Variants in ARHGEF26 observed in about 807,000 individuals in gnomAD.
ARHGEF26 encodes Rho guanine nucleotide exchange factor 26.
ARHGEF26 carries 59 observed loss-of-function variants against 89.4 expected under a neutral mutation model. The observed-to-expected ratio is 0.66, with a 90% CI of 0.54 to 0.82. The LOEUF is 0.82. Among genes scored for constraint, ARHGEF26 ranks in the 40% least tolerant of loss-of-function variants. The probability of loss-of-function intolerance (pLI) is 0.00; values close to 1 mark genes in which losing one functional copy is unlikely to be tolerated. For missense variants in ARHGEF26, 1,234 were observed against 1,085.6 expected, an observed-to-expected ratio of 1.14 and a Z score of -1.92; for synonymous variants, 500 against 428.4, an observed-to-expected ratio of 1.17 and a Z score of -2.06.
intron 4 of ARHGEF26, among the ~76,000 whole-genome samples, chr3:154,144,015 T>G (rs1719544723): frequency 6.6e-6 from 1 of 152,100 alleles, no homozygotes; most frequent in Non-Finnish European, 1.5e-5. Context: ...ATTTGTTTGG[T>G]GGTAGAAATG....
chr3:154,149,559 ATTTG>A (rs1719895209), intron 5 of ARHGEF26, 114 bp downstream of exon 5: 3 of 890,852 alleles, frequency 3.4e-6, no homozygotes, highest in Non-Finnish European at 4.8e-6. Flanking sequence ...TTGAAAATGT[ATTTG>A]TTTAACAAAA....
At chr3:154,145,621 A>T (rs1719653912) in intron 4 of ARHGEF26, among the ~76,000 whole-genome samples, 1 of 152,184 alleles carries the variant, frequency 6.6e-6, no homozygotes, top group East Asian at 1.9e-4. Flanking sequence ...GGGCAAAAAT[A>T]GAAGGAATGC....
intron 6 of ARHGEF26, among the ~76,000 whole-genome samples, chr3:154,178,129 G>T (rs557884978): frequency 6.6e-6 from 1 of 152,052 alleles, no homozygotes; most frequent in African/African-American, 2.4e-5. Flanking sequence ...GCTTGAACCC[G>T]GGAGGTGGAG....
At chr3:154,234,827 G>A (rs1331083675) in intron 11 of ARHGEF26, among the ~76,000 whole-genome samples, 4 of 152,050 alleles carry the variant, frequency 2.6e-5, no homozygotes, top group East Asian at 1.9e-4. Context: ...GTGCGGTGGC[G>A]CAATCTCGGC....
At chr3:154,218,019 C>T in intron 10 of ARHGEF26, 61 bp downstream of exon 10, 1 of 1,383,670 alleles carries the variant, frequency 7.2e-7, no homozygotes, top group Non-Finnish European at 1.0e-6. Context: ...TAGAGAGAGA[C>T]AGTTGAGGGC....
chr3:154,176,893 C>T (rs1371791264), intron 6 of ARHGEF26, among the ~76,000 whole-genome samples: 1 of 152,140 alleles, frequency 6.6e-6, no homozygotes, highest in Admixed American at 6.5e-5. Context: ...ATCCTCTTGC[C>T]TCAGTCTCCT....
intron 11 of ARHGEF26, among the ~76,000 whole-genome samples, chr3:154,234,665 C>T (rs1717002289): frequency 6.6e-6 from 1 of 152,186 alleles, no homozygotes. Flanking sequence ...AACTCGCAAA[C>T]CCACTATTCT....
chr3:154,165,631 A>G (rs1711970902), intron 6 of ARHGEF26, among the ~76,000 whole-genome samples: 1 of 152,146 alleles, frequency 6.6e-6, no homozygotes, highest in African/African-American at 2.4e-5. Context: ...TTTATTGATC[A>G]CATTTCTTTT....
chr3:154,214,782 G>T (rs886351648), intron 9 of ARHGEF26, among the ~76,000 whole-genome samples: 1 of 152,072 alleles, frequency 6.6e-6, no homozygotes, highest in South Asian at 2.1e-4. Context: ...GATATGCCCT[G>T]TTCCTTTCAG....
At chr3:154,196,304 TG>T (rs1714287490) in intron 9 of ARHGEF26, among the ~76,000 whole-genome samples, 1 of 152,184 alleles carries the variant, frequency 6.6e-6, no homozygotes, top group African/African-American at 2.4e-5. Flanking sequence ...GGTTAGCTAC[TG>T]ATAGAAATAT....
intron 9 of ARHGEF26, among the ~76,000 whole-genome samples, chr3:154,203,773 A>G (rs536439758): frequency 2.7e-5 from 4 of 150,770 alleles, no homozygotes; most frequent in South Asian, 2.1e-4. Context: ...GATATAATGT[A>G]TTACACTGAT....
At chr3:154,166,200 GC>G (rs1310601529) in intron 6 of ARHGEF26, among the ~76,000 whole-genome samples, 1 of 151,978 alleles carries the variant, frequency 6.6e-6, no homozygotes, top group Non-Finnish European at 1.5e-5. Flanking sequence ...ACAGGCACAT[GC>G]CACCATGCCT....
intron 12 of ARHGEF26, among the ~76,000 whole-genome samples, chr3:154,244,303 C>T (rs1296686489): frequency 2.0e-5 from 3 of 152,146 alleles, no homozygotes; most frequent in African/African-American, 4.8e-5. Context: ...AAGGACAATT[C>T]AACTTCATAA....
intron 6 of ARHGEF26, among the ~76,000 whole-genome samples, chr3:154,183,441 C>T (rs1330445975): frequency 1.3e-5 from 2 of 152,168 alleles, no homozygotes; most frequent in Non-Finnish European, 2.9e-5. Flanking sequence ...AAAAAGTTGT[C>T]CTCCTCGTAA....
At position 154,123,017 on chromosome 3, in the gene ARHGEF26, C is replaced by G. The variant is rs745378067; in HGVS notation, c.1025C>G (p.Pro342Arg). ...AAGAAGAAGAACAGAATGTCCCAGC[C>G]TGTTCTGAAAGTGGTGATGGAAGAC... ...SSKKKNRMSQ[P>R]VLKVVMEDKE... is the part of the protein sequence containing the mutation. Residue 342 changes from proline to arginine, a missense_variant, in exon 2 of 15, where the codon CCT (proline) becomes CGT (arginine). Pro to Arg is a moderately radical substitution (Grantham distance 103, BLOSUM62 -2). Coordinates refer to ENST00000465093, the MANE Select transcript of ARHGEF26 (RefSeq NM_015595.4). 3.2e-5 allele frequency: 51 copies of G among 1,613,812 alleles called. No individual in the cohort carries two copies. Among genetic ancestry groups the G allele is most frequent in the Non-Finnish European group, 4.2e-5 (49 of 1,179,890 alleles).
chr3:154,178,781 C>T (rs909868302), intron 6 of ARHGEF26, among the ~76,000 whole-genome samples: 4 of 152,148 alleles, frequency 2.6e-5, no homozygotes, highest in African/African-American at 9.7e-5. Context: ...CTATGTTTAA[C>T]ATTTTGAAGA....
intron 6 of ARHGEF26, among the ~76,000 whole-genome samples, chr3:154,156,957 C>T (rs77727255): frequency 0.011 from 1,641 of 152,172 alleles, 21 homozygotes; most frequent in African/African-American, 0.037. Context: ...ATATAGGTTG[C>T]GGTCAGAACA....
At chr3:154,209,661 C>A (rs1307471620) in intron 9 of ARHGEF26, among the ~76,000 whole-genome samples, 1 of 152,148 alleles carries the variant, frequency 6.6e-6, no homozygotes, top group African/African-American at 2.4e-5. Context: ...ACACAAGCAC[C>A]CCTGTGGCCA....
At chr3:154,191,204 A>C in intron 7 of ARHGEF26, 85 bp from the exon 8 acceptor site, 1 of 1,393,898 alleles carries the variant, frequency 7.2e-7, no homozygotes, top group Non-Finnish European at 9.7e-7. Context: ...TGGATTTATC[A>C]CAGTATTTTG....
Sources: allele counts gnomAD v4.1 joint callset (sites outside exome capture counted in the v4.1 genomes callset), GRCh38; gene constraint gnomAD v4.1.1; transcripts MANE v1.5; gene names NCBI Gene and HGNC (gene_info 2026-07-23, HGNC 2026-07-21).